TMLHE: variants seen among roughly 807,000 people sequenced by gnomAD.
TMLHE encodes trimethyllysine hydroxylase, epsilon, also known as trimethyllysine dioxygenase, mitochondrial.
Under a neutral mutation model 25.7 loss-of-function variants are expected in TMLHE, and 18 were observed. That is an observed-to-expected ratio of 0.70 (90% CI 0.48 to 1.04). The LOEUF (loss-of-function observed/expected upper bound fraction) is 1.04, where lower values mean the gene tolerates loss of function less well. Ranked by LOEUF, TMLHE falls within the 50% of genes least tolerant of loss-of-function variation. The pLI, the probability that TMLHE is intolerant of heterozygous loss-of-function variation, is 0.00. For synonymous variants in TMLHE, 105 were observed against 97.0 expected (o/e 1.08, Z -0.49); for missense variants, 236 against 259.0 (o/e 0.91, Z 0.61).
intron 2 of TMLHE, among the ~76,000 whole-genome samples, chrX:155,525,588 C>T (rs1477059122): frequency 1.8e-5 from 2 of 111,794 alleles, no homozygotes; most frequent in East Asian, 5.6e-4. Flanking sequence ...GGGATTGGAA[C>T]AGTTTGGAGG....
chrX:155,527,034 G>A (rs2067223966), intron 2 of TMLHE, among the ~76,000 whole-genome samples: 1 of 112,460 alleles, frequency 8.9e-6, no homozygotes, highest in South Asian at 3.7e-4. Context: ...GTTAGTGCTG[G>A]AGTGAGTTAA....
chrX:155,514,313 C>A, intron 3 of TMLHE, 48 bp from the exon 4 acceptor site: 1 of 1,123,149 alleles, frequency 8.9e-7, no homozygotes, highest in South Asian at 2.1e-5. Context: ...CAAATAATGT[C>A]AATATTTGTA....
At position 155,515,538 on chromosome X, in the gene TMLHE, A is replaced by G. The variant is rs1352970546; in HGVS notation, c.359-1273T>C. On this transcript the variant is annotated intron_variant, in intron 3 of 7. Coordinates refer to ENST00000334398, the MANE Select transcript of TMLHE (RefSeq NM_018196.4). ...AATTTCAAAGATATAAACTTTTAAG[A>G]GTTCTGATATACATAATCAAATTAC... 2.7e-5 allele frequency among the ~76,000 whole-genome samples: 3 copies of G among 111,589 alleles called. 1 individual carries two copies. Among genetic ancestry groups the G allele is most frequent in the Non-Finnish European group, 5.7e-5 (3 of 53,046 alleles).
Position 155,489,931 on chromosome X carries a change from C to G in TMLHE, c.*1604G>C, listed in dbSNP as rs2124299965. Among the ~76,000 whole-genome samples the G allele has an allele frequency of 5.4e-5, 1 of 18,683 alleles. No homozygotes were observed. Among genetic ancestry groups the G allele is most frequent in the East Asian group, 1.5e-3 (1 of 670 alleles). 16.2% of individuals were successfully genotyped at this position (18,683 alleles called of 115,157 possible). On this transcript the variant is annotated 3_prime_UTR_variant, in exon 8 of 8. Transcript: ENST00000334398. ...CTATCTTCACTAATAATGCCTTTTCCCCCCTCTTGTGTGCATCCTAGCCTA... is the reference window on the plus strand; with the variant it reads ...CTATCTTCACTAATAATGCCTTTTCGCCCCTCTTGTGTGCATCCTAGCCTA...
intron 2 of TMLHE, among the ~76,000 whole-genome samples, chrX:155,531,368 T>C (rs954096323): frequency 1.8e-5 from 2 of 111,366 alleles, no homozygotes; most frequent in African/African-American, 3.3e-5. Flanking sequence ...CTTATAATCA[T>C]GGCAGAAGGT....
intron 1 of TMLHE, among the ~76,000 whole-genome samples, chrX:155,569,735 A>G (rs2067535592): frequency 3.8e-5 from 2 of 53,241 alleles, no homozygotes; most frequent in African/African-American, 9.1e-5. Context: ...CAGCCAAACT[A>G]AGCTTCATAA....
chrX:155,548,518 A>ATT (rs2067375824), intron 1 of TMLHE, among the ~76,000 whole-genome samples: 2 of 109,842 alleles, frequency 1.8e-5, no homozygotes, highest in African/African-American at 6.8e-5. Context: ...GGCGGATCAC[A>ATT]AGGTCAGCAG....
At chrX:155,599,374 G>A (rs2067743175) in intron 1 of TMLHE, among the ~76,000 whole-genome samples, 1 of 111,486 alleles carries the variant, frequency 9.0e-6, no homozygotes, top group Admixed American at 9.5e-5. Context: ...TCACAAACAT[G>A]CTTGTCAAGA....
rs782781731 is a variant in TMLHE at position 155,601,692 on chromosome X, A to G, written c.-2+11100T>C. ...AATGAATAAAGCCAGATGTACATCT[A>G]TAAGTATAAATGGGTTAAACAGTCC... On this transcript the variant is annotated intron_variant, in intron 1 of 7. Transcript: ENST00000334398. 5.4e-5 allele frequency among the ~76,000 whole-genome samples: 6 copies of G among 111,911 alleles called. No individual in the cohort carries two copies. In the South Asian group the frequency reaches 2.2e-3, roughly 41 times the overall value.
At chrX:155,517,096 G>A (rs1259104192) in intron 3 of TMLHE, among the ~76,000 whole-genome samples, 1 of 57,656 alleles carries the variant, frequency 1.7e-5, no homozygotes, top group East Asian at 7.8e-4. Context: ...CCTTGCCCAT[G>A]CCTATGTCCT....
chrX:155,524,862 A>G (rs2067209789), intron 2 of TMLHE, among the ~76,000 whole-genome samples: 2 of 111,703 alleles, frequency 1.8e-5, no homozygotes, highest in African/African-American at 3.3e-5. Flanking sequence ...GCCCAGAAAT[A>G]TACCCAAATG....
At chrX:155,582,287 C>T (rs1387817035) in intron 1 of TMLHE, among the ~76,000 whole-genome samples, 2 of 112,086 alleles carry the variant, frequency 1.8e-5, no homozygotes, top group African/African-American at 6.5e-5. Flanking sequence ...GACTAAAACA[C>T]CAAAAGCAAT....
At chrX:155,521,882 G>A (rs1557335796) in intron 3 of TMLHE, among the ~76,000 whole-genome samples, 1 of 86,674 alleles carries the variant, frequency 1.2e-5, no homozygotes, top group Non-Finnish European at 2.3e-5. Flanking sequence ...GCTTCGGCTC[G>A]CGCACGGTGC....
intron 1 of TMLHE, among the ~76,000 whole-genome samples, chrX:155,590,803 T>C (rs1164706152): frequency 2.7e-5 from 3 of 110,776 alleles, no homozygotes; most frequent in Non-Finnish European, 5.7e-5. Flanking sequence ...AAAGACAGGG[T>C]ATATGTAGAT....
chrX:155,507,198 TTATA>T, intron 5 of TMLHE, 64 bp from the exon 6 acceptor site: 1 of 730,032 alleles, frequency 1.4e-6, no homozygotes, highest in Admixed American at 3.0e-5. Flanking sequence ...ATTCTAGAAA[TTATA>T]TATAAAATGA....
At chrX:155,581,622 T>C (rs2067629147) in intron 1 of TMLHE, among the ~76,000 whole-genome samples, 1 of 111,448 alleles carries the variant, frequency 9.0e-6, no homozygotes, top group Non-Finnish European at 1.9e-5. Flanking sequence ...ACAAGGAATA[T>C]GAAGGACCTC....
intron 1 of TMLHE, among the ~76,000 whole-genome samples, chrX:155,589,381 C>T (rs923408213): frequency 4.5e-5 from 5 of 111,244 alleles, no homozygotes; most frequent in Middle Eastern, 4.2e-3. Flanking sequence ...ACCCGGGAGG[C>T]GGAGGTTGCA....
chrX:155,526,663 C>T (rs782733694), intron 2 of TMLHE, among the ~76,000 whole-genome samples: 1 of 112,755 alleles, frequency 8.9e-6, no homozygotes, highest in African/African-American at 3.2e-5. Flanking sequence ...GCCACAGCCA[C>T]TCAATGCCAG....
chrX:155,559,097 T>C (rs2067477658), intron 1 of TMLHE, among the ~76,000 whole-genome samples: 1 of 111,861 alleles, frequency 8.9e-6, no homozygotes, highest in Admixed American at 9.5e-5. Flanking sequence ...AATCCAATCT[T>C]AAAGCACCTT....
Sources: gnomAD v4.1 joint callset for allele counts (sites outside exome capture counted in the v4.1 genomes callset) on GRCh38, gnomAD v4.1.1 for gene constraint, MANE v1.5 for transcripts, NCBI Gene and HGNC (gene_info 2026-07-23, HGNC 2026-07-21) for gene names.